ASXL1: variants seen among roughly 807,000 people sequenced by gnomAD.
ASXL1 encodes ASXL transcriptional regulator 1, also known as polycomb group protein ASXL1.
In ASXL1, 65 loss-of-function variants were observed where a neutral mutation model predicts 89.1. The ratio of observed to expected loss-of-function variants is 0.73; its 90% CI spans 0.60 to 0.90. The LOEUF is 0.90. ASXL1 is among the 40% of genes least tolerant of loss of function. The pLI is 0.00. For synonymous variants in ASXL1, 739 were observed against 746.9 expected (o/e 0.99, Z 0.17); for missense variants, 1,786 against 1,942.9 (o/e 0.92, Z 1.52).
At chr20:32,361,788 G>C (rs1025930009) in intron 1 of ASXL1, among the ~76,000 whole-genome samples, 1 of 152,076 alleles carries the variant, frequency 6.6e-6, no homozygotes, top group African/African-American at 2.4e-5. Context: ...GTCCCAGGCC[G>C]GGCACGGTGG....
intron 4 of ASXL1, among the ~76,000 whole-genome samples, chr20:32,411,717 T>C (rs1239144029): frequency 6.6e-6 from 1 of 151,734 alleles, no homozygotes; most frequent in East Asian, 1.9e-4. Flanking sequence ...TTTATATTTT[T>C]AGTAGAGATG....
At chr20:32,398,335 C>T (rs1158124337) in intron 4 of ASXL1, among the ~76,000 whole-genome samples, 3 of 151,964 alleles carry the variant, frequency 2.0e-5, no homozygotes, top group Non-Finnish European at 4.4e-5. Flanking sequence ...GATTCTCAGC[C>T]TTAACCATTT....
At chr20:32,394,751 T>C (rs565969468) in intron 4 of ASXL1, among the ~76,000 whole-genome samples, 1 of 152,144 alleles carries the variant, frequency 6.6e-6, no homozygotes, top group South Asian at 2.1e-4. Flanking sequence ...TCTCACTCGG[T>C]TGCCCAGGCT....
chr20:32,395,941 G>A (rs2048754668), intron 4 of ASXL1, among the ~76,000 whole-genome samples: 1 of 152,130 alleles, frequency 6.6e-6, no homozygotes, highest in African/African-American at 2.4e-5. Flanking sequence ...TGTGATTACA[G>A]GCATGCATCA....
chr20:32,432,113 A>C (rs1569321993), intron 10 of ASXL1, among the ~76,000 whole-genome samples: 1 of 152,142 alleles, frequency 6.6e-6, no homozygotes, highest in Non-Finnish European at 1.5e-5. Context: ...GAACACCCCT[A>C]GGTTTGATGA....
chr20:32,428,554 G>A, intron 6 of ASXL1, 132 bp downstream of exon 6: 1 of 805,044 alleles, frequency 1.2e-6, no homozygotes, highest in South Asian at 1.4e-5. Context: ...CCAGCTGTTA[G>A]TAGCATTTAA....
chr20:32,370,136 A>T (rs916188005), intron 4 of ASXL1, among the ~76,000 whole-genome samples: 4 of 152,218 alleles, frequency 2.6e-5, no homozygotes, highest in African/African-American at 9.6e-5. Flanking sequence ...ATTTGTGGAA[A>T]TTAAGTGACA....
rs2011602498 is a variant in ASXL1 at position 32,433,555 on chromosome 20, G to T, written c.1357G>T (p.Glu453Ter). 1.9e-6 allele frequency: 3 copies of T among 1,614,176 alleles called. No individual in the cohort carries two copies. Among genetic ancestry groups the T allele is most frequent in the Non-Finnish European group, 2.5e-6 (3 of 1,180,032 alleles). The change falls in exon 12 of 13, where the codon GAG (glutamate) becomes TAG (stop). Residue 453 changes from glutamate to a stop codon, truncating the protein, a stop_gained. Transcript: ENST00000375687. LOFTEE classifies it high-confidence loss of function. ...ASDVPLYKDG[E>*]AKTDPAGLSS... ...AGATGTTCCCCTCTACAAGGATGGGGAGGCTAAGACTGACCCAGCAGGGCT... is the reference window on the plus strand; with the variant it reads ...AGATGTTCCCCTCTACAAGGATGGGTAGGCTAAGACTGACCCAGCAGGGCT...
chr20:32,393,275 C>T (rs1458445859), intron 4 of ASXL1, among the ~76,000 whole-genome samples: 1 of 152,108 alleles, frequency 6.6e-6, no homozygotes, highest in Non-Finnish European at 1.5e-5. Flanking sequence ...TACTTTGTCT[C>T]ATAATATAGC....
intron 4 of ASXL1, among the ~76,000 whole-genome samples, chr20:32,384,404 C>G (rs1569264155): frequency 1.3e-5 from 2 of 151,830 alleles, no homozygotes; most frequent in Non-Finnish European, 1.5e-5. Flanking sequence ...GTTTCACCCC[C>G]AGGCTGGTCT....
chr20:32,382,255 G>A (rs1418765759), intron 4 of ASXL1, among the ~76,000 whole-genome samples: 2 of 152,056 alleles, frequency 1.3e-5, no homozygotes, highest in Admixed American at 6.6e-5. Context: ...GATTACAGGT[G>A]TGAGCCAGCG....
chr20:32,411,185 A>G (rs972542088), intron 4 of ASXL1, among the ~76,000 whole-genome samples: 10 of 97,744 alleles, frequency 1.0e-4, no homozygotes, highest in Admixed American at 2.0e-4. Context: ...TTATTCCCCC[A>G]TTTGTTTATT....
At chr20:32,376,312 T>C (rs1003963544) in intron 4 of ASXL1, among the ~76,000 whole-genome samples, 2 of 152,104 alleles carry the variant, frequency 1.3e-5, no homozygotes, top group African/African-American at 2.4e-5. Flanking sequence ...TCTCACTGTA[T>C]CACCCAGGCT....
In ASXL1 at chr20:32,437,720, C is replaced by T. The variant is rs1210902523; in HGVS notation, c.*382C>T. The T allele has an allele frequency of 3.2e-6, 1 of 315,884 alleles. No homozygotes were observed. The highest frequency in any genetic ancestry group is 5.9e-6 in the Non-Finnish European group (1 of 168,998). 19.6% of individuals were successfully genotyped at this position (315,884 alleles called of 1,614,324 possible). On this transcript the variant is annotated 3_prime_UTR_variant, in exon 13 of 13. Transcript: ENST00000375687. ...ACCTACCTGAACTAAGTAGAAATGCCAGTCTTCCACTACCCCCTCCCTGCC... is the reference window on the plus strand; with the variant it reads ...ACCTACCTGAACTAAGTAGAAATGCTAGTCTTCCACTACCCCCTCCCTGCC...
chr20:32,369,443 G>C (rs2048261290), intron 4 of ASXL1, among the ~76,000 whole-genome samples: 1 of 151,838 alleles, frequency 6.6e-6, no homozygotes, highest in African/African-American at 2.4e-5. Flanking sequence ...ATAGAGACGG[G>C]GTTTCACCAT....
At chr20:32,369,265 T>TA (rs1363849335) in intron 4 of ASXL1, 142 bp downstream of exon 4, 1 of 818,912 alleles carries the variant, frequency 1.2e-6, no homozygotes, top group Non-Finnish European at 2.0e-6. Flanking sequence ...TTCTTTTTTT[T>TA]AGACATAGTC....
chr20:32,397,250 CTTTTTTTTTTT>C (rs71187116), intron 4 of ASXL1, among the ~76,000 whole-genome samples: 8 of 6,982 alleles, frequency 1.1e-3, no homozygotes, highest in African/African-American at 1.4e-3. Context: ...CCATGCCTGG[CTTTTTTTTTTT>C]TTTTTTTTTT....
At chr20:32,430,657 A>G (rs997744424) in intron 8 of ASXL1, 2 of 230,936 alleles carry the variant, frequency 8.7e-6, no homozygotes, top group Non-Finnish European at 1.7e-5. Context: ...AGATGAAACC[A>G]TTAAGAAGAC....
intron 2 of ASXL1, 89 bp downstream of exon 2, chr20:32,366,555 T>C: frequency 6.2e-7 from 1 of 1,603,724 alleles, no homozygotes; most frequent in African/African-American, 1.3e-5. Flanking sequence ...TACACCTGTG[T>C]ATGTATTTGT....
Sources: gnomAD v4.1 joint callset for allele counts (sites outside exome capture counted in the v4.1 genomes callset) on GRCh38, gnomAD v4.1.1 for gene constraint, MANE v1.5 for transcripts, NCBI Gene and HGNC (gene_info 2026-07-23, HGNC 2026-07-21) for gene names.